The following NAALADL2 variants were observed in gnomAD, a reference collection of about 807,000 sequenced individuals.
The protein encoded by NAALADL2 is inactive N-acetylated-alpha-linked acidic dipeptidase-like protein 2.
Under a neutral mutation model 87.2 loss-of-function variants are expected in NAALADL2, and 76 were observed. The ratio of observed to expected loss-of-function variants is 0.87; its 90% CI spans 0.72 to 1.05. NAALADL2 has a LOEUF of 1.05. Among genes scored for constraint, NAALADL2 ranks in the 50% least tolerant of loss-of-function variants. NAALADL2 has a pLI of 0.00. For missense variants in NAALADL2, 1,089 were observed against 945.8 expected (o/e 1.15, Z -1.99); for synonymous variants, 354 against 331.0 (o/e 1.07, Z -0.75).
In NAALADL2 at chr3:175,769,764, C is replaced by G. The variant is rs200240549; in HGVS notation, c.2189+14346C>G. Among the ~76,000 whole-genome samples the G allele has an allele frequency of 5.3e-5, 8 of 151,564 alleles. No individual in the cohort carries two copies. The East Asian group carries it at 1.6e-3, about 29-fold the overall frequency. ...TCTGTGTGTATGTCTCTGTGTGTGTCTGTGTGTAATTTTAAGGAACTGGTT... is the reference window on the plus strand; with the variant it reads ...TCTGTGTGTATGTCTCTGTGTGTGTGTGTGTGTAATTTTAAGGAACTGGTT... On this transcript the variant is annotated intron_variant, in intron 13 of 13. Transcript: ENST00000454872.
At chr3:174,535,063 A>C (rs1427220182) in intron 1 of NAALADL2, among the ~76,000 whole-genome samples, 3 of 152,308 alleles carry the variant, frequency 2.0e-5, no homozygotes, top group African/African-American at 7.2e-5. Context: ...TAGAATAAAG[A>C]GACAAAAACC....
intron 12 of NAALADL2, among the ~76,000 whole-genome samples, chr3:175,737,714 GTTTTTTTTTTT>G (rs71164650): frequency 5.7e-4 from 31 of 54,762 alleles, no homozygotes; most frequent in African/African-American, 2.0e-3. Context: ...CAATGATCCA[GTTTTTTTTTTT>G]TTTTTTTTTT....
At chr3:174,734,231 C>A (rs1007638556) in intron 2 of NAALADL2, among the ~76,000 whole-genome samples, 2 of 152,090 alleles carry the variant, frequency 1.3e-5, no homozygotes, top group South Asian at 2.1e-4. Flanking sequence ...TTCCATATTT[C>A]TTTTATTCTC....
intron 11 of NAALADL2, among the ~76,000 whole-genome samples, chr3:175,683,657 C>T (rs1019334951): frequency 6.6e-6 from 1 of 151,892 alleles, no homozygotes; most frequent in Non-Finnish European, 1.5e-5. Context: ...ATAGAAAACA[C>T]ACAATATATA....
intron 1 of NAALADL2, among the ~76,000 whole-genome samples, chr3:175,083,306 C>T (rs146563374): frequency 6.6e-6 from 1 of 152,166 alleles, no homozygotes; most frequent in African/African-American, 2.4e-5. Context: ...AATTCAAGCA[C>T]TCATGATGCA....
chr3:175,068,175 C>G (rs1714901393), intron 1 of NAALADL2, among the ~76,000 whole-genome samples: 1 of 151,968 alleles, frequency 6.6e-6, no homozygotes, highest in Admixed American at 6.6e-5. Context: ...TCTTTTGAAC[C>G]TGAAATCCTT....
At chr3:175,012,662 T>C (rs1173771590) in intron 1 of NAALADL2, among the ~76,000 whole-genome samples, 5 of 152,086 alleles carry the variant, frequency 3.3e-5, no homozygotes, top group Admixed American at 3.3e-4. Flanking sequence ...GTAAGTAAAG[T>C]GCACAGCCAT....
At chr3:175,234,261 C>T (rs1024111024) in intron 3 of NAALADL2, 57 bp downstream of exon 3, 35 of 1,538,148 alleles carry the variant, frequency 2.3e-5, no homozygotes, top group Non-Finnish European at 2.8e-5. Flanking sequence ...AAAATAACAG[C>T]TTTCATCTAA....
intron 2 of NAALADL2, among the ~76,000 whole-genome samples, chr3:175,229,692 T>C (rs28524860): frequency 6.6e-6 from 1 of 151,736 alleles, no homozygotes; most frequent in African/African-American, 2.4e-5. Context: ...ACCTTGGGGG[T>C]TAGGATTTCA....
At chr3:174,788,595 T>G (rs1384746533) in intron 3 of NAALADL2, among the ~76,000 whole-genome samples, 1 of 152,036 alleles carries the variant, frequency 6.6e-6, no homozygotes, top group African/African-American at 2.4e-5. Context: ...CCCTAACCAC[T>G]CCATTTAAAA....
intron 10 of NAALADL2, among the ~76,000 whole-genome samples, chr3:175,603,837 C>T (rs1361632010): frequency 6.6e-6 from 1 of 151,774 alleles, no homozygotes; most frequent in Non-Finnish European, 1.5e-5. Flanking sequence ...AAAAAAAAAC[C>T]ACAAAAATTA....
chr3:174,888,974 A>G (rs1348959712), intron 1 of NAALADL2, among the ~76,000 whole-genome samples: 2 of 152,174 alleles, frequency 1.3e-5, no homozygotes, highest in Non-Finnish European at 2.9e-5. Flanking sequence ...ATTGTTTCCT[A>G]TAATATATTA....
chr3:174,759,663 C>G (rs1712637303), intron 3 of NAALADL2, among the ~76,000 whole-genome samples: 1 of 151,820 alleles, frequency 6.6e-6, no homozygotes, highest in Admixed American at 6.6e-5. Context: ...AATCTACTAA[C>G]ATGTTTCTTC....
At chr3:175,272,292 T>G (rs1354582256) in intron 4 of NAALADL2, among the ~76,000 whole-genome samples, 1 of 152,172 alleles carries the variant, frequency 6.6e-6, no homozygotes, top group East Asian at 1.9e-4. Context: ...CATCTTTATT[T>G]AAAAGAAACA....
rs111341072 is a variant in NAALADL2 at position 174,486,879 on chromosome 3, C to G, written c.-184+45847C>G. Among the ~76,000 whole-genome samples, 57 of 152,096 alleles carry G rather than the reference C, an allele frequency of 3.7e-4. 1 individual carries two copies. The highest frequency in any genetic ancestry group is 1.2e-3 in the African/African-American group (50 of 41,522). ...CTGAGAAAACCAGCACTCCAAAAAC[C>G]ACATACATATGAATACCTAGGTTTA... On this transcript the variant is annotated intron_variant, in intron 1 of 3. Coordinates refer to the NAALADL2 transcript ENST00000434257.
chr3:175,043,303 A>G (rs1352527284), intron 1 of NAALADL2, among the ~76,000 whole-genome samples: 1 of 152,144 alleles, frequency 6.6e-6, no homozygotes, highest in African/African-American at 2.4e-5. Flanking sequence ...CAGCGGCACA[A>G]TCTGGGCTCA....
chr3:174,634,138 C>T (rs1056375045), intron 2 of NAALADL2, among the ~76,000 whole-genome samples: 2 of 152,200 alleles, frequency 1.3e-5, no homozygotes, highest in Admixed American at 6.5e-5. Context: ...GTAAGTTTAG[C>T]TGTTGAGTTT....
At chr3:174,859,297 C>T, upstream of NAALADL2, 1 of 740,160 alleles carries the variant, frequency 1.4e-6, no homozygotes, top group Admixed American at 2.4e-5. Flanking sequence ...CAGAAGAAAG[C>T]AGGTAGTATA....
At chr3:174,727,727 C>T (rs187437324) in intron 2 of NAALADL2, among the ~76,000 whole-genome samples, 1 of 152,098 alleles carries the variant, frequency 6.6e-6, no homozygotes, top group African/African-American at 2.4e-5. Context: ...ACACTTCACT[C>T]TCAACCAAAG....
Sources: gnomAD v4.1 joint callset for allele counts (sites outside exome capture counted in the v4.1 genomes callset) on GRCh38, gnomAD v4.1.1 for gene constraint, MANE v1.5 for transcripts, NCBI Gene and HGNC (gene_info 2026-07-23, HGNC 2026-07-21) for gene names.